Variants in GRAMD1C observed in about 807,000 individuals in gnomAD.
GRAMD1C encodes the protein GRAM domain containing 1C.
Under a neutral mutation model 97.8 loss-of-function variants are expected in GRAMD1C, and 89 were observed. The observed-to-expected ratio is 0.91, with a 90% CI of 0.77 to 1.09. GRAMD1C has a LOEUF of 1.09. GRAMD1C is among the 50% of genes least tolerant of loss of function. The pLI is 0.00. For synonymous variants in GRAMD1C, 256 were observed against 267.0 expected, an observed-to-expected ratio of 0.96 and a Z score of 0.40; for missense variants, 740 against 766.4, an observed-to-expected ratio of 0.97 and a Z score of 0.41.
intron 2 of GRAMD1C, among the ~76,000 whole-genome samples, chr3:113,845,388 T>G (rs1460090141): frequency 6.6e-6 from 1 of 152,142 alleles, no homozygotes; most frequent in Non-Finnish European, 1.5e-5. Flanking sequence ...TTCCAATTAG[T>G]TCATTAGAAA....
At chr3:113,870,018 A>T (rs1934733689) in intron 3 of GRAMD1C, among the ~76,000 whole-genome samples, 1 of 152,148 alleles carries the variant, frequency 6.6e-6, no homozygotes, top group Non-Finnish European at 1.5e-5. Flanking sequence ...CAGATATCCC[A>T]TGTTCTCACT....
intron 2 of GRAMD1C, among the ~76,000 whole-genome samples, chr3:113,850,006 TG>T (rs1257274822): frequency 4.0e-4 from 46 of 114,108 alleles, no homozygotes; most frequent in Non-Finnish European, 5.4e-4. Context: ...ACGGGGTGGC[TG>T]GCCGGGCGGG....
At chr3:113,857,190 C>T (rs1239750529) in intron 2 of GRAMD1C, among the ~76,000 whole-genome samples, 11 of 151,994 alleles carry the variant, frequency 7.2e-5, no homozygotes, top group Non-Finnish European at 1.6e-4. Context: ...AAAATAAAAC[C>T]CCAAAAACTC....
intron 9 of GRAMD1C, among the ~76,000 whole-genome samples, chr3:113,914,965 A>C (rs1213104726): frequency 6.6e-6 from 1 of 152,194 alleles, no homozygotes; most frequent in Non-Finnish European, 1.5e-5. Flanking sequence ...CTATGTAAGT[A>C]TGGGCTATTT....
chr3:113,828,866 T>C (rs1709522215), intron 1 of GRAMD1C, among the ~76,000 whole-genome samples: 1 of 152,186 alleles, frequency 6.6e-6, no homozygotes, highest in South Asian at 2.1e-4. Flanking sequence ...GAACTTATCA[T>C]TATAACTGCA....
At position 113,838,851 on chromosome 3, in the gene GRAMD1C, C is replaced by CGCGGGGCGGT. The variant is rs1553713808; in HGVS notation, c.-54_-45dup. On this transcript the variant is annotated 5_prime_UTR_variant, in exon 1 of 18. Transcript: ENST00000358160. ...ACTCGCAGCGCGCGCTGGAGGTGGG[C>CGCGGGGCGGT]GCGGGGCGGTGCGGTGCGGTGCGCG... 11 of 1,193,506 alleles carry CGCGGGGCGGT rather than the reference C, an allele frequency of 9.2e-6. No individual in the cohort carries two copies. The highest frequency in any genetic ancestry group is 1.0e-5 in the Non-Finnish European group (10 of 954,492). 73.9% of individuals were successfully genotyped at this position (1,193,506 alleles called of 1,614,324 possible). A position where few individuals can be genotyped will look rare whatever the true frequency, so the allele number is the denominator to read the frequency against.
intron 3 of GRAMD1C, among the ~76,000 whole-genome samples, chr3:113,870,048 G>GA (rs1354562016): frequency 6.6e-6 from 1 of 152,106 alleles, no homozygotes; most frequent in East Asian, 1.9e-4. Flanking sequence ...GAGCTAAAAA[G>GA]AAATTGATCT....
intron 10 of GRAMD1C, chr3:113,919,941 A>G: frequency 1.5e-6 from 1 of 660,690 alleles, no homozygotes; most frequent in Non-Finnish European, 2.9e-6. Flanking sequence ...GTGCACCAGT[A>G]AAAGGTGAAT....
chr3:113,901,119 C>A lies in GRAMD1C; in HGVS notation c.629C>A (p.Ser210Ter). The A allele has an allele frequency of 6.3e-7, 1 of 1,599,864 alleles. No homozygotes were observed. The highest frequency in any genetic ancestry group is 1.1e-5 in the South Asian group (1 of 90,668). The change falls in exon 7 of 18, where the codon TCA becomes TAA. Residue 210 changes from serine to a stop codon, truncating the protein, a stop_gained. Coordinates refer to ENST00000358160, the MANE Select transcript of GRAMD1C (RefSeq NM_017577.5). LOFTEE classifies it high-confidence loss of function. Reference protein sequence around the residue: ...GLNAEEMENLSLSIEDVQPRS... With the variant: ...GLNAEEMENL Reference sequence around the variant, plus strand: ...AATGCTGAGGAGATGGAAAACTTGTCACTGTCGATTGAGGATGTGCAGCCA... The same window carrying A: ...AATGCTGAGGAGATGGAAAACTTGTAACTGTCGATTGAGGATGTGCAGCCA...
intron 10 of GRAMD1C, among the ~76,000 whole-genome samples, chr3:113,928,701 T>C (rs1184609632): frequency 1.3e-5 from 2 of 152,214 alleles, no homozygotes; most frequent in Admixed American, 1.3e-4. Flanking sequence ...CAAGGTGCCT[T>C]GCATAAGTGG....
chr3:113,935,575 C>T (rs1010463670), intron 13 of GRAMD1C, among the ~76,000 whole-genome samples: 1 of 150,754 alleles, frequency 6.6e-6, no homozygotes, highest in African/African-American at 2.4e-5. Context: ...TATACACAAG[C>T]ATAATTTAAG....
At chr3:113,924,106 T>TTC (rs1397112351) in intron 10 of GRAMD1C, among the ~76,000 whole-genome samples, 5 of 147,768 alleles carry the variant, frequency 3.4e-5, no homozygotes, top group East Asian at 3.9e-4. Flanking sequence ...TTTTTTTTTT[T>TTC]CTGTGGGGTC....
chr3:113,913,100 C>T (rs1365164346), intron 9 of GRAMD1C: 13 of 1,282,688 alleles, frequency 1.0e-5, no homozygotes, highest in East Asian at 5.6e-5. Context: ...ATTAGTCATA[C>T]GCTGTTTACC....
intron 2 of GRAMD1C, among the ~76,000 whole-genome samples, chr3:113,849,921 G>T (rs1284558649): frequency 3.9e-4 from 53 of 134,582 alleles, no homozygotes; most frequent in African/African-American, 1.1e-3. Context: ...CAGGCGGGGG[G>T]GCTGACCCCC....
intron 2 of GRAMD1C, among the ~76,000 whole-genome samples, chr3:113,851,860 G>A (rs928994567): frequency 2.7e-5 from 4 of 150,736 alleles, no homozygotes; most frequent in African/African-American, 9.8e-5. Context: ...CCTTTATTCT[G>A]TACTTTATTT....
chr3:113,838,915 G>A lies in GRAMD1C; in HGVS notation c.6G>A (p.Glu2=). 1 of 1,218,638 alleles carries A rather than the reference G, an allele frequency of 8.2e-7. No individual in the cohort carries two copies. 75.5% of individuals were successfully genotyped at this position (1,218,638 alleles called of 1,614,324 possible). A position where few individuals can be genotyped will look rare whatever the true frequency, so the allele number is the denominator to read the frequency against. M[E]GAPTVRQVMN... ...CGGCGGCGGAGGGAGCCGCGATGGAGGGCGCTCCGACTGTCCGTCAGGTAA... is the reference window on the plus strand; with the variant it reads ...CGGCGGCGGAGGGAGCCGCGATGGAAGGCGCTCCGACTGTCCGTCAGGTAA... Residue 2 remains glutamate, a synonymous_variant, in exon 1 of 18, where the codon GAG becomes GAA. Transcript: ENST00000358160.
At chr3:113,940,876 ACAGACATTTAATATTTG>A (rs1202991913) in intron 17 of GRAMD1C, among the ~76,000 whole-genome samples, 5 of 152,354 alleles carry the variant, frequency 3.3e-5, no homozygotes, top group African/African-American at 1.2e-4. Context: ...AATTATCTTT[ACAGACATTTAATATTTG>A]CAGACATTTA....
At chr3:113,885,619 T>G in intron 6 of GRAMD1C, 2 of 1,509,150 alleles carry the variant, frequency 1.3e-6, no homozygotes, top group South Asian at 1.1e-5. Flanking sequence ...CGGTTTTTTG[T>G]ACGTAAGAGG....
At chr3:113,894,258 T>C (rs1935847483) in intron 6 of GRAMD1C, among the ~76,000 whole-genome samples, 1 of 152,110 alleles carries the variant, frequency 6.6e-6, no homozygotes, top group African/African-American at 2.4e-5. Context: ...AGGCAGGATG[T>C]ATGCAGAAAA....
Sources: gnomAD v4.1 joint callset for allele counts (sites outside exome capture counted in the v4.1 genomes callset) on GRCh38, gnomAD v4.1.1 for gene constraint, MANE v1.5 for transcripts, NCBI Gene and HGNC (gene_info 2026-07-23, HGNC 2026-07-21) for gene names.